The following CADM2 variants were observed in gnomAD, a reference collection of about 807,000 sequenced individuals.
The protein encoded by CADM2 is immunoglobulin superfamily member 4D.
Under a neutral mutation model 49.8 loss-of-function variants are expected in CADM2, and 12 were observed. The ratio of observed to expected loss-of-function variants is 0.24; its 90% CI spans 0.15 to 0.39. The LOEUF (loss-of-function observed/expected upper bound fraction) is 0.39. CADM2 is among the 10% of genes least tolerant of loss of function. The pLI is 1.00. For missense variants in CADM2, 378 were observed against 492.3 expected, an observed-to-expected ratio of 0.77 and a Z score of 2.20; for synonymous variants, 214 against 175.4, an observed-to-expected ratio of 1.22 and a Z score of -1.74.
At chr3:85,956,119 CG>C (rs1347186377) in intron 7 of CADM2, among the ~76,000 whole-genome samples, 1 of 151,660 alleles carries the variant, frequency 6.6e-6, no homozygotes, top group East Asian at 2.0e-4. Flanking sequence ...TGTAAAGTGG[CG>C]TAACGTTATC....
At chr3:85,241,454 CT>C in intron 1 of CADM2, among the ~76,000 whole-genome samples, 1 of 151,550 alleles carries the variant, frequency 6.6e-6, no homozygotes, top group East Asian at 1.9e-4. Context: ...TTCTAAATAA[CT>C]TTTCATTCAG....
intron 1 of CADM2, among the ~76,000 whole-genome samples, chr3:85,235,081 C>T (rs943720729): frequency 8.6e-5 from 13 of 152,026 alleles, no homozygotes; most frequent in African/African-American, 3.1e-4. Context: ...TCTGACTCTT[C>T]CTCTGTCATC....
chr3:85,284,395 A>G (rs186143585), intron 1 of CADM2, among the ~76,000 whole-genome samples: 7 of 152,234 alleles, frequency 4.6e-5, no homozygotes, highest in East Asian at 1.9e-4. Flanking sequence ...ACACACCCAT[A>G]TATGTCAGAT....
chr3:85,011,772 C>G (rs998348833), intron 1 of CADM2, among the ~76,000 whole-genome samples: 7 of 151,784 alleles, frequency 4.6e-5, no homozygotes, highest in African/African-American at 1.4e-4. Flanking sequence ...TACCTGTGGT[C>G]TCAACTACTT....
intron 1 of CADM2, among the ~76,000 whole-genome samples, chr3:85,186,729 T>A (rs915392979): frequency 5.3e-5 from 8 of 151,906 alleles, no homozygotes; most frequent in African/African-American, 1.9e-4. Context: ...CTCCAGAGGT[T>A]ACCATGAGCC....
chr3:85,188,997 C>T (rs977106494), intron 1 of CADM2, among the ~76,000 whole-genome samples: 23 of 151,538 alleles, frequency 1.5e-4, no homozygotes, highest in African/African-American at 5.6e-4. Context: ...CGCCACTGAA[C>T]TCCAGCCTGG....
At chr3:85,390,744 T>C (rs2107394544) in intron 1 of CADM2, among the ~76,000 whole-genome samples, 1 of 152,190 alleles carries the variant, frequency 6.6e-6, no homozygotes, top group South Asian at 2.1e-4. Flanking sequence ...TACTGCCTAC[T>C]CCCTCTTTTT....
chr3:86,039,649 C>T (rs1465834107), intron 8 of CADM2, among the ~76,000 whole-genome samples: 1 of 152,218 alleles, frequency 6.6e-6, no homozygotes, highest in Non-Finnish European at 1.5e-5. Flanking sequence ...TAGAATCCAC[C>T]TCTGGGGGGA....
intron 1 of CADM2, among the ~76,000 whole-genome samples, chr3:85,457,442 A>G (rs2038046712): frequency 6.6e-6 from 1 of 152,110 alleles, no homozygotes; most frequent in East Asian, 1.9e-4. Context: ...AAAAGGATTT[A>G]TTATGAATTT....
At chr3:85,127,430 G>A (rs2039073339) in intron 1 of CADM2, among the ~76,000 whole-genome samples, 1 of 152,054 alleles carries the variant, frequency 6.6e-6, no homozygotes, top group African/African-American at 2.4e-5. Context: ...TTTCGTAAAG[G>A]GCCAACTGGC....
chr3:85,441,372 CAT>C (rs1262724655), intron 1 of CADM2, among the ~76,000 whole-genome samples: 1 of 151,794 alleles, frequency 6.6e-6, no homozygotes, highest in African/African-American at 2.4e-5. Context: ...TATAAATAAA[CAT>C]AATATTTATA....
At chr3:85,550,293 G>A (rs2061769879) in intron 1 of CADM2, among the ~76,000 whole-genome samples, 1 of 152,186 alleles carries the variant, frequency 6.6e-6, no homozygotes, top group South Asian at 2.1e-4. Flanking sequence ...TGGTTCTGAT[G>A]TAGTTCAGTA....
At chr3:85,404,776 A>C (rs1423970019) in intron 1 of CADM2, among the ~76,000 whole-genome samples, 17 of 152,168 alleles carry the variant, frequency 1.1e-4, no homozygotes, top group Admixed American at 1.1e-3. Context: ...TAAATGTAAA[A>C]AATTTCCTGT....
At chr3:85,994,335 T>C (rs1388838914) in intron 8 of CADM2, 1 of 152,248 alleles carries the variant, frequency 6.6e-6, no homozygotes, top group Non-Finnish European at 1.5e-5. Flanking sequence ...TTCACAGAAT[T>C]GAAGAGAGTT....
chr3:85,740,531 G>A (rs184686031), intron 2 of CADM2, among the ~76,000 whole-genome samples: 18 of 151,912 alleles, frequency 1.2e-4, no homozygotes, highest in South Asian at 4.2e-4. Flanking sequence ...TATTTGCACC[G>A]TCTGTCTTGT....
At chr3:85,656,636 T>C (rs2107597435) in intron 1 of CADM2, among the ~76,000 whole-genome samples, 1 of 152,106 alleles carries the variant, frequency 6.6e-6, no homozygotes, top group African/African-American at 2.4e-5. Flanking sequence ...ATAATGATAA[T>C]AACAATAATA....
intron 1 of CADM2, among the ~76,000 whole-genome samples, chr3:85,549,654 G>T (rs2061750927): frequency 6.6e-6 from 1 of 152,048 alleles, no homozygotes; most frequent in South Asian, 2.1e-4. Context: ...TTGAGACAGA[G>T]TCTCTGTCAC....
At chr3:85,467,716 A>G (rs1273409130) in intron 1 of CADM2, among the ~76,000 whole-genome samples, 1 of 152,328 alleles carries the variant, frequency 6.6e-6, no homozygotes, top group Non-Finnish European at 1.5e-5. Context: ...GAAATATGTC[A>G]AAAGACATAG....
At chr3:85,490,391 C>CA (rs148385324) in intron 1 of CADM2, among the ~76,000 whole-genome samples, 105 of 144,446 alleles carry the variant, frequency 7.3e-4, no homozygotes, top group South Asian at 7.2e-3. Context: ...TTTCATGAGT[C>CA]AAAAAAAAAA....
Sources: allele counts gnomAD v4.1 joint callset (sites outside exome capture counted in the v4.1 genomes callset), GRCh38; gene constraint gnomAD v4.1.1; transcripts MANE v1.5; gene names NCBI Gene and HGNC (gene_info 2026-07-23, HGNC 2026-07-21).